The following SUGP1 variants were observed in gnomAD, a reference collection of about 807,000 sequenced individuals.
SUGP1 encodes SURP and G-patch domain-containing protein 1.
In SUGP1, 34 loss-of-function variants were observed where a neutral mutation model predicts 76.5. The observed-to-expected ratio is 0.44, with a 90% CI of 0.34 to 0.59. The LOEUF (loss-of-function observed/expected upper bound fraction) is 0.59, where lower values mean the gene tolerates loss of function less well. Among genes scored for constraint, SUGP1 ranks in the 20% least tolerant of loss-of-function variants. The pLI, the probability that SUGP1 is intolerant of heterozygous loss-of-function variation, is 0.01. For missense variants in SUGP1, 752 were observed against 851.7 expected, an observed-to-expected ratio of 0.88 and a Z score of 1.46; for synonymous variants, 326 against 326.2, an observed-to-expected ratio of 1.00 and a Z score of 0.01.
intron 3 of SUGP1, among the ~76,000 whole-genome samples, chr19:19,308,814 C>A (rs374772841): frequency 4.0e-4 from 61 of 152,340 alleles, no homozygotes; most frequent in African/African-American, 1.3e-3. Flanking sequence ...TTATCTGTCT[C>A]TGCTCCTACA....
intron 7 of SUGP1, among the ~76,000 whole-genome samples, chr19:19,298,391 G>A (rs185827693): frequency 6.6e-6 from 1 of 152,170 alleles, no homozygotes; most frequent in South Asian, 2.1e-4. Context: ...CCAACTGCTC[G>A]GGAGGCTGAG....
intron 8 of SUGP1, among the ~76,000 whole-genome samples, chr19:19,292,287 A>G (rs541785393): frequency 2.0e-5 from 3 of 151,878 alleles, no homozygotes; most frequent in South Asian, 4.2e-4. Context: ...AAAAAAAAAA[A>G]AAAGAAAGAA....
intron 2 of SUGP1, among the ~76,000 whole-genome samples, chr19:19,314,396 T>C (rs990858576): frequency 1.6e-4 from 24 of 152,132 alleles, no homozygotes; most frequent in African/African-American, 5.3e-4. Context: ...CCAGTGCTTG[T>C]CTCTGTGTTG....
At chr19:19,303,138 A>G (rs2301786) in intron 6 of SUGP1, among the ~76,000 whole-genome samples, 63,801 of 151,984 alleles carry the variant, frequency 0.42, 14,853 homozygotes, top group African/African-American at 0.62. Flanking sequence ...GTGGCCTGAC[A>G]CTCAGGCTTC....
chr19:19,278,582 C>A, intron 11 of SUGP1, 108 bp downstream of exon 11: 1 of 926,500 alleles, frequency 1.1e-6, no homozygotes, highest in Non-Finnish European at 1.7e-6. Context: ...CTGGCTCCTG[C>A]TGTGATCGAG....
intron 9 of SUGP1, among the ~76,000 whole-genome samples, chr19:19,279,844 A>C (rs1366060462): frequency 6.6e-6 from 1 of 152,208 alleles, no homozygotes; most frequent in African/African-American, 2.4e-5. Flanking sequence ...ACTGCGGACA[A>C]AGAACATCAA....
intron 3 of SUGP1, among the ~76,000 whole-genome samples, chr19:19,309,050 A>G (rs531209512): frequency 1.3e-5 from 2 of 152,128 alleles, no homozygotes; most frequent in Non-Finnish European, 2.9e-5. Flanking sequence ...TATTTTTAGT[A>G]GAGACAGGGT....
At chr19:19,308,768 C>CAT (rs2061334090) in intron 3 of SUGP1, among the ~76,000 whole-genome samples, 1 of 152,370 alleles carries the variant, frequency 6.6e-6, no homozygotes, top group Middle Eastern at 3.4e-3. Context: ...GGGAAGGCTT[C>CAT]ATCATGGCTC....
chr19:19,314,540 A>G (rs1374884368), intron 2 of SUGP1, among the ~76,000 whole-genome samples: 2 of 152,176 alleles, frequency 1.3e-5, no homozygotes, highest in Non-Finnish European at 2.9e-5. Flanking sequence ...AGAAGGTTCA[A>G]TGTTGACACT....
chr19:19,302,250 C>G lies in SUGP1; in HGVS notation c.887+15G>C. On this transcript the variant is annotated intron_variant, in intron 7 of 13. Coordinates refer to ENST00000247001, the MANE Select transcript of SUGP1 (RefSeq NM_172231.4). ...GCCAGGGTGACGGTCACCTCCCTGG[C>G]AGGGCCCCCCTTACCTGAATGCCTG... 1 of 1,613,592 alleles carries G rather than the reference C, an allele frequency of 6.2e-7. No individual in the cohort carries two copies. Among genetic ancestry groups the G allele is most frequent in the South Asian group, 1.1e-5 (1 of 91,048 alleles).
intron 13 of SUGP1, 116 bp from the exon 14 acceptor site, chr19:19,276,790 G>T (rs1364097698): frequency 1.9e-6 from 3 of 1,563,232 alleles, no homozygotes; most frequent in Non-Finnish European, 1.7e-6. Flanking sequence ...GGCAGGGCAG[G>T]CTTGGGGGAC....
rs763715738 is a variant in SUGP1, at chr19:19,277,822, T to C, written c.1693A>G (p.Ile565Val). 1.2e-6 allele frequency: 2 copies of C among 1,614,064 alleles called. No individual in the cohort carries two copies. The highest frequency in any genetic ancestry group is 1.7e-6 in the Non-Finnish European group (2 of 1,179,992). Residue 565 changes from isoleucine to valine, a missense_variant, in exon 12 of 14, where the codon ATC becomes GTC. This residue lies in a region of SUGP1 where 132 missense variants were observed against 234.4 expected (regional missense o/e 0.56). Coordinates refer to ENST00000247001, the MANE Select transcript of SUGP1 (RefSeq NM_172231.4). ...ATCTTCATCAGCATCTGGTAGCCGA[T>C]GTTCTCCACAGTCAGCTTGAACTCC... ...YKEFKLTVEN[I>V]GYQMLMKMGW...
intron 4 of SUGP1, 35 bp from the exon 5 acceptor site, chr19:19,303,882 A>G (rs1440738492): frequency 6.2e-7 from 1 of 1,612,774 alleles, no homozygotes; most frequent in South Asian, 1.1e-5. Context: ...GGTTCAACTC[A>G]CACACCCCAC....
rs753362121 is a variant in SUGP1, at chr19:19,303,840, G to C, written c.546C>G (p.Pro182=). The C allele has an allele frequency of 6.8e-6, 11 of 1,613,978 alleles. No individual in the cohort carries two copies. Among genetic ancestry groups the C allele is most frequent in the Non-Finnish European group, 9.3e-6 (11 of 1,180,040 alleles). Residue 182 remains proline, a synonymous_variant, in exon 5 of 14, where the codon CCC becomes CCG. Coordinates refer to ENST00000247001, the MANE Select transcript of SUGP1 (RefSeq NM_172231.4). The stretch of plus-strand genomic sequence containing the variant: ...CTTTCCGAGTCTCGGCTCCCTCTGG[G>C]GGTGAAACTTTAAGGAGGCTGTCAG... ...YEQWLEIKVS[P]PEGAETRKVI...
intron 8 of SUGP1, among the ~76,000 whole-genome samples, chr19:19,291,788 G>A (rs1197198339): frequency 6.6e-6 from 1 of 151,822 alleles, no homozygotes; most frequent in Non-Finnish European, 1.5e-5. Flanking sequence ...AGCTACTCAG[G>A]AGGCTGAGGC....
chr19:19,312,085 C>CA (rs1208235582), intron 2 of SUGP1, among the ~76,000 whole-genome samples: 3 of 152,008 alleles, frequency 2.0e-5, no homozygotes, highest in Non-Finnish European at 4.4e-5. Flanking sequence ...ACGAACAAAA[C>CA]AAAAAATTAG....
chr19:19,294,879 C>T lies in SUGP1; in HGVS notation c.1243+2110G>A, dbSNP rs547250771. Among the ~76,000 whole-genome samples the T allele has an allele frequency of 2.3e-4, 35 of 151,854 alleles. No homozygotes were observed. The East Asian group carries it at 6.8e-3, about 29-fold the overall frequency. On this transcript the variant is annotated intron_variant, in intron 8 of 13. Coordinates refer to ENST00000247001, the MANE Select transcript of SUGP1 (RefSeq NM_172231.4). ...TTGTATGCATCAAAAGACGCTATTA[C>T]TAAAGTGAAAAGACAACCCATAGAA...
chr19:19,314,064 G>A (rs1193676681), intron 2 of SUGP1, among the ~76,000 whole-genome samples: 1 of 151,816 alleles, frequency 6.6e-6, no homozygotes, highest in Admixed American at 6.6e-5. Context: ...TTGAGCCCAA[G>A]AGGCGGAGGT....
chr19:19,282,815 C>T (rs951387515), intron 8 of SUGP1, among the ~76,000 whole-genome samples: 1 of 152,238 alleles, frequency 6.6e-6, no homozygotes, highest in African/African-American at 2.4e-5. Context: ...CGGCGGCTCA[C>T]GCCTGTAATC....
Sources: allele counts gnomAD v4.1 joint callset (sites outside exome capture counted in the v4.1 genomes callset), GRCh38; gene constraint gnomAD v4.1.1; regional missense constraint gnomAD v4.1.1; transcripts MANE v1.5; gene names NCBI Gene and HGNC (gene_info 2026-07-23, HGNC 2026-07-21).